Variants in SCFD2 observed in about 807,000 individuals in gnomAD.
SCFD2 encodes the protein sec1 family domain containing 2, also known as sec1 family domain-containing protein 2.
Under a neutral mutation model 58.9 loss-of-function variants are expected in SCFD2, and 54 were observed. The observed-to-expected ratio is 0.92, with a 90% CI of 0.74 to 1.15. The LOEUF (loss-of-function observed/expected upper bound fraction) is 1.15. SCFD2 is among the 50% of genes most tolerant of loss of function. The pLI, the probability that SCFD2 is intolerant of heterozygous loss-of-function variation, is 0.00. For missense variants in SCFD2, 805 were observed against 836.6 expected, an observed-to-expected ratio of 0.96 and a Z score of 0.47; for synonymous variants, 321 against 335.9, an observed-to-expected ratio of 0.96 and a Z score of 0.49.
intron 7 of SCFD2, among the ~76,000 whole-genome samples, chr4:52,896,359 C>T (rs1382580542): frequency 2.0e-5 from 3 of 152,118 alleles, no homozygotes; most frequent in Non-Finnish European, 2.9e-5. Context: ...GGAAGGGATC[C>T]AGTTTCAGCT....
chr4:52,979,759 G>C (rs142666025), intron 5 of SCFD2, among the ~76,000 whole-genome samples: 1,802 of 152,276 alleles, frequency 0.012, 22 homozygotes, highest in Non-Finnish European at 0.019. Flanking sequence ...AGCAGTTAGA[G>C]ACACATATCC....
Position 53,300,879 on chromosome 4 carries a change from TA to T in SCFD2, c.1135+12756del, listed in dbSNP as rs1291365181. ...GTAAATAATGAAATGAAGGCAGAAA[TA>T]AAGATGTTCTTTGAAACCAACGACA... On this transcript the variant is annotated intron_variant, in intron 3 of 8. Coordinates refer to ENST00000401642, the MANE Select transcript of SCFD2 (RefSeq NM_152540.4). Among the ~76,000 whole-genome samples, 5 of 152,160 alleles carry T rather than the reference TA, an allele frequency of 3.3e-5. No individual in the cohort carries two copies. In the East Asian group the frequency reaches 9.6e-4, roughly 29 times the overall value.
intron 5 of SCFD2, among the ~76,000 whole-genome samples, chr4:53,134,382 T>C (rs1360185026): frequency 6.6e-6 from 1 of 151,668 alleles, no homozygotes; most frequent in African/African-American, 2.4e-5. Flanking sequence ...AAAAAAACAG[T>C]GCTTTTTAAA....
intron 5 of SCFD2, among the ~76,000 whole-genome samples, chr4:53,119,611 C>T (rs1268889662): frequency 6.6e-6 from 1 of 152,118 alleles, no homozygotes. Flanking sequence ...ATAAAGTCTC[C>T]ATAAGGTTAG....
chr4:52,935,680 C>A (rs1394085269), intron 5 of SCFD2, among the ~76,000 whole-genome samples: 1 of 152,188 alleles, frequency 6.6e-6, no homozygotes, highest in Non-Finnish European at 1.5e-5. Flanking sequence ...TTTAAAGTCC[C>A]TATTAAATGT....
At chr4:53,236,657 T>A (rs1729621431) in intron 4 of SCFD2, among the ~76,000 whole-genome samples, 1 of 150,494 alleles carries the variant, frequency 6.6e-6, no homozygotes, top group African/African-American at 2.4e-5. Flanking sequence ...TGTTTTTTTT[T>A]AATCAAAATG....
intron 4 of SCFD2, among the ~76,000 whole-genome samples, chr4:53,248,205 G>A (rs1186668093): frequency 3.3e-5 from 5 of 152,202 alleles, no homozygotes; most frequent in Non-Finnish European, 5.9e-5. Flanking sequence ...CAAATACTGC[G>A]CTTTTCTGAC....
intron 4 of SCFD2, among the ~76,000 whole-genome samples, chr4:53,170,456 G>A (rs1727147439): frequency 6.6e-6 from 1 of 152,142 alleles, no homozygotes; most frequent in Non-Finnish European, 1.5e-5. Flanking sequence ...TAGTTTGAAA[G>A]CAAGTAGTGC....
intron 3 of SCFD2, among the ~76,000 whole-genome samples, chr4:53,278,829 A>G (rs1731415630): frequency 1.3e-5 from 2 of 151,956 alleles, no homozygotes; most frequent in Non-Finnish European, 2.9e-5. Context: ...TTTTCCTAAA[A>G]ATCCCTAAGA....
chr4:53,289,452 CA>C (rs1479190148), intron 3 of SCFD2, among the ~76,000 whole-genome samples: 1 of 151,902 alleles, frequency 6.6e-6, no homozygotes, highest in Non-Finnish European at 1.5e-5. Context: ...AAAAGATAAC[CA>C]CAGAGCAGAA....
chr4:52,874,824 T>C (rs1006389425), intron 8 of SCFD2, among the ~76,000 whole-genome samples: 1 of 152,228 alleles, frequency 6.6e-6, no homozygotes, highest in Non-Finnish European at 1.5e-5. Context: ...GCAAAGATCC[T>C]ATTTCCAGTA....
chr4:53,258,962 T>A (rs1024824782), intron 4 of SCFD2, among the ~76,000 whole-genome samples: 1 of 152,198 alleles, frequency 6.6e-6, no homozygotes, highest in African/African-American at 2.4e-5. Context: ...GATAGGCATT[T>A]CCCTGATAAT....
At chr4:52,913,855 CT>C (rs1447450905) in intron 6 of SCFD2, among the ~76,000 whole-genome samples, 1 of 152,206 alleles carries the variant, frequency 6.6e-6, no homozygotes, top group East Asian at 1.9e-4. Context: ...ATATGTATCA[CT>C]TCCACCGCAG....
chr4:53,136,659 C>T (rs1223114916), intron 5 of SCFD2, among the ~76,000 whole-genome samples: 1 of 152,202 alleles, frequency 6.6e-6, no homozygotes, highest in Non-Finnish European at 1.5e-5. Context: ...ATACATTTCA[C>T]TTGAATTCAG....
chr4:53,021,130 A>G (rs1722339260), intron 5 of SCFD2, among the ~76,000 whole-genome samples: 1 of 152,222 alleles, frequency 6.6e-6, no homozygotes, highest in South Asian at 2.1e-4. Flanking sequence ...CAAGTAAAGC[A>G]GAAACCCATT....
chr4:52,968,482 G>A (rs73250919), intron 5 of SCFD2, among the ~76,000 whole-genome samples: 7,917 of 152,246 alleles, frequency 0.052, 313 homozygotes, highest in South Asian at 0.11. Context: ...ATAGGTGATC[G>A]GGTGTATGGG....
chr4:53,269,008 C>T (rs1309738182), intron 4 of SCFD2, among the ~76,000 whole-genome samples: 1 of 152,120 alleles, frequency 6.6e-6, no homozygotes, highest in African/African-American at 2.4e-5. Flanking sequence ...GGAATGAACC[C>T]TGTGCTGTTA....
At chr4:53,216,482 T>C (rs983545048) in intron 4 of SCFD2, among the ~76,000 whole-genome samples, 4 of 152,176 alleles carry the variant, frequency 2.6e-5, no homozygotes, top group African/African-American at 7.2e-5. Context: ...TCTGTGGGAT[T>C]GGTGGTGATA....
chr4:52,894,079 T>C (rs1718943743), intron 7 of SCFD2, among the ~76,000 whole-genome samples: 1 of 152,244 alleles, frequency 6.6e-6, no homozygotes, highest in Non-Finnish European at 1.5e-5. Flanking sequence ...GTTCTCTTTG[T>C]GGTCCTCTTT....
Sources: allele counts gnomAD v4.1 joint callset (sites outside exome capture counted in the v4.1 genomes callset), GRCh38; gene constraint gnomAD v4.1.1; transcripts MANE v1.5; gene names NCBI Gene and HGNC (gene_info 2026-07-23, HGNC 2026-07-21).